The following MB21D2 variants were observed in gnomAD, a reference collection of about 807,000 sequenced individuals.
MB21D2 encodes Mab-21 domain containing 2, also known as nucleotidyltransferase MB21D2.
Under a neutral mutation model 33.3 loss-of-function variants are expected in MB21D2, and 9 were observed. The observed-to-expected ratio is 0.27, with a 90% CI of 0.16 to 0.47. MB21D2 has a LOEUF of 0.47. Ranked by LOEUF, MB21D2 falls within the 20% of genes least tolerant of loss-of-function variation. The pLI, the probability that MB21D2 is intolerant of heterozygous loss-of-function variation, is 0.99. For synonymous variants in MB21D2, 241 were observed against 236.3 expected, an observed-to-expected ratio of 1.02 and a Z score of -0.18; for missense variants, 540 against 624.6, an observed-to-expected ratio of 0.86 and a Z score of 1.44.
At chr3:192,880,155 C>A (rs573620829) in intron 1 of MB21D2, among the ~76,000 whole-genome samples, 1 of 151,926 alleles carries the variant, frequency 6.6e-6, no homozygotes, top group Non-Finnish European at 1.5e-5. Flanking sequence ...CCACCCTGAC[C>A]AACATAGTGA....
rs150767581 is a variant in MB21D2, at chr3:192,882,738, C to CTT, written c.211+34890_211+34891dup. Among the ~76,000 whole-genome samples, 30 of 145,108 alleles carry CTT rather than the reference C, an allele frequency of 2.1e-4. 1 individual carries two copies. Among genetic ancestry groups the CTT allele is most frequent in the South Asian group, 6.4e-4 (3 of 4,670 alleles). On this transcript the variant is annotated intron_variant, in intron 1 of 1. Coordinates refer to ENST00000392452, the MANE Select transcript of MB21D2 (RefSeq NM_178496.4). ...GCCCTACAGGACATCAACCAGTTTC[C>CTT]TTTTTTTTTCTTTGAGACGGAGTTT...
intron 1 of MB21D2, among the ~76,000 whole-genome samples, chr3:192,863,321 T>A (rs963604733): frequency 1.3e-5 from 2 of 152,092 alleles, no homozygotes; most frequent in African/African-American, 4.8e-5. Context: ...GCCACCCAAT[T>A]TGTGGTGATT....
intron 1 of MB21D2, among the ~76,000 whole-genome samples, chr3:192,900,384 T>A (rs564062246): frequency 6.7e-6 from 1 of 149,538 alleles, no homozygotes; most frequent in Non-Finnish European, 1.5e-5. Flanking sequence ...TACACAGGGA[T>A]GGAGAAAAAG....
Position 192,887,982 on chromosome 3 carries a change from C to T in MB21D2, c.211+29648G>A, listed in dbSNP as rs80022889. ...TACTGAGGAACAAGGCAACAGGGGA[C>T]GCGTAGGCTGCAAGCATTTGCAAGG... is the stretch of plus-strand genomic sequence containing the variant. On this transcript the variant is annotated intron_variant, in intron 1 of 1. Coordinates refer to ENST00000392452, the MANE Select transcript of MB21D2 (RefSeq NM_178496.4). 9.9e-5 allele frequency among the ~76,000 whole-genome samples: 15 copies of T among 152,070 alleles called. 1 individual carries two copies. The highest frequency in any genetic ancestry group is 2.9e-4 in the African/African-American group (12 of 41,420).
chr3:192,915,573 T>C (rs1714444519), intron 1 of MB21D2, among the ~76,000 whole-genome samples: 1 of 152,106 alleles, frequency 6.6e-6, no homozygotes, highest in African/African-American at 2.4e-5. Flanking sequence ...AAATGCTAAA[T>C]TCCCAGGGGG....
chr3:192,895,424 A>G (rs867358461), intron 1 of MB21D2, among the ~76,000 whole-genome samples: 4 of 152,146 alleles, frequency 2.6e-5, no homozygotes, highest in Admixed American at 6.5e-5. Flanking sequence ...GCTTTATTTC[A>G]ATCTGTTTCA....
intron 1 of MB21D2, among the ~76,000 whole-genome samples, chr3:192,827,794 G>A (rs1396231112): frequency 6.6e-6 from 1 of 152,100 alleles, no homozygotes; most frequent in African/African-American, 2.4e-5. Context: ...CATAAAAGTT[G>A]AATGACATAT....
chr3:192,841,926 A>C (rs887036745), intron 1 of MB21D2, among the ~76,000 whole-genome samples: 1 of 152,120 alleles, frequency 6.6e-6, no homozygotes, highest in Non-Finnish European at 1.5e-5. Flanking sequence ...GTAGAAGTGA[A>C]CCAGGCAGAG....
At chr3:192,847,205 T>C (rs532378191) in intron 1 of MB21D2, among the ~76,000 whole-genome samples, 1 of 152,340 alleles carries the variant, frequency 6.6e-6, no homozygotes, top group African/African-American at 2.4e-5. Context: ...AGACCCAACA[T>C]TACTTTGCTG....
intron 1 of MB21D2, among the ~76,000 whole-genome samples, chr3:192,894,063 C>A (rs1198359007): frequency 6.6e-6 from 1 of 152,040 alleles, no homozygotes; most frequent in Non-Finnish European, 1.5e-5. Flanking sequence ...AAGAGCCACT[C>A]TTGTTTTCCC....
chr3:192,878,371 A>T (rs530323767), intron 1 of MB21D2, among the ~76,000 whole-genome samples: 1 of 152,362 alleles, frequency 6.6e-6, no homozygotes, highest in East Asian at 1.9e-4. Flanking sequence ...ACGCCTTTAT[A>T]GACCTCTCTC....
intron 1 of MB21D2, among the ~76,000 whole-genome samples, chr3:192,851,359 G>A (rs141842233): frequency 0.012 from 1,768 of 152,196 alleles, 41 homozygotes; most frequent in African/African-American, 0.04. Flanking sequence ...GGGGAGTGGG[G>A]AGTAGAAGGT....
rs34940618 is a variant in MB21D2, at chr3:192,814,578, C to G, written c.212-14928G>C. Among the ~76,000 whole-genome samples, 570 of 152,108 alleles carry G rather than the reference C, an allele frequency of 3.7e-3. 7 individuals carry two copies. Among genetic ancestry groups the G allele is most frequent in the African/African-American group, 0.013 (549 of 41,480 alleles). ...CCATGCCTGCTCAATTAAAAAAAGTCTTGGGCGGGCGCGGTGGCTCACACC... is the reference window on the plus strand; with the variant it reads ...CCATGCCTGCTCAATTAAAAAAAGTGTTGGGCGGGCGCGGTGGCTCACACC... On this transcript the variant is annotated intron_variant, in intron 1 of 1. Coordinates refer to ENST00000392452, the MANE Select transcript of MB21D2 (RefSeq NM_178496.4).
At chr3:192,859,622 A>G (rs541159719) in intron 1 of MB21D2, among the ~76,000 whole-genome samples, 48 of 136,196 alleles carry the variant, frequency 3.5e-4, no homozygotes, top group African/African-American at 1.8e-3. Context: ...CACTTTATCC[A>G]CAGTACCAAG....
chr3:192,811,455 A>G (rs1203527998), intron 1 of MB21D2, among the ~76,000 whole-genome samples: 1 of 152,150 alleles, frequency 6.6e-6, no homozygotes, highest in South Asian at 2.1e-4. Flanking sequence ...GGCCATGAGG[A>G]GCCTGGAAGC....
chr3:192,891,442 T>C (rs1279298713), intron 1 of MB21D2, among the ~76,000 whole-genome samples: 2 of 152,140 alleles, frequency 1.3e-5, no homozygotes, highest in Admixed American at 1.3e-4. Context: ...TAAGAGGCAC[T>C]GGAAATTTGC....
intron 1 of MB21D2, among the ~76,000 whole-genome samples, chr3:192,823,936 C>A (rs1256355400): frequency 1.3e-5 from 2 of 152,002 alleles, no homozygotes; most frequent in Non-Finnish European, 2.9e-5. Context: ...GGCCTAACAA[C>A]CTTTGAGGAA....
At chr3:192,831,929 C>T (rs566656786) in intron 1 of MB21D2, among the ~76,000 whole-genome samples, 5 of 152,294 alleles carry the variant, frequency 3.3e-5, no homozygotes, top group Non-Finnish European at 7.3e-5. Context: ...ATTAAACTGG[C>T]TCTGCTGGGC....
intron 1 of MB21D2, among the ~76,000 whole-genome samples, chr3:192,909,959 AAAAAG>A (rs1351089739): frequency 7.0e-6 from 1 of 142,490 alleles, no homozygotes; most frequent in Admixed American, 7.1e-5. Context: ...AAAAAAAAAA[AAAAAG>A]AAAGAGAGAG....
Sources: allele counts gnomAD v4.1 joint callset (sites outside exome capture counted in the v4.1 genomes callset), GRCh38; gene constraint gnomAD v4.1.1; transcripts MANE v1.5; gene names NCBI Gene and HGNC (gene_info 2026-07-23, HGNC 2026-07-21).